The following PTCHD1 variants were observed in gnomAD, a reference collection of about 807,000 sequenced individuals.
The protein encoded by PTCHD1 is patched domain-containing protein 1.
PTCHD1 carries 3 observed loss-of-function variants against 34.6 expected under a neutral mutation model. The ratio of observed to expected loss-of-function variants is 0.09; its 90% CI spans 0.04 to 0.22. The LOEUF (loss-of-function observed/expected upper bound fraction) is 0.22, where lower values mean the gene tolerates loss of function less well. PTCHD1 is among the 10% of genes least tolerant of loss of function. The pLI, the probability that PTCHD1 is intolerant of heterozygous loss-of-function variation, is 1.00. For synonymous variants in PTCHD1, 305 were observed against 283.1 expected (o/e 1.08, Z -0.77); for missense variants, 504 against 685.5 (o/e 0.74, Z 2.96).
intron 1 of PTCHD1, among the ~76,000 whole-genome samples, chrX:23,344,138 T>A (rs1367424185): frequency 8.9e-6 from 1 of 112,281 alleles, no homozygotes; most frequent in Non-Finnish European, 1.9e-5. Context: ...CAGAACACAC[T>A]TGGAGTAGCA....
In PTCHD1 at chrX:23,394,163, T is replaced by G; in HGVS notation, c.2645T>G (p.Val882Gly). The G allele has an allele frequency of 8.3e-7, 1 of 1,201,881 alleles. No homozygotes were observed. The highest frequency in any genetic ancestry group is 1.1e-6 in the Non-Finnish European group (1 of 887,203). ...EMVDIDSTRVVDQITTV is the reference protein window; with the variant it reads ...EMVDIDSTRVGDQITTV Reference sequence around the variant, plus strand: ...GTAGATATCGATAGTACCCGTGTGGTTGACCAAATTACAACAGTGTGATAA... The same window carrying G: ...GTAGATATCGATAGTACCCGTGTGGGTGACCAAATTACAACAGTGTGATAA... Residue 882 changes from valine to glycine, a missense_variant, in exon 3 of 3, where the codon GTT (valine) becomes GGT (glycine). Val to Gly is a moderately radical substitution (Grantham distance 109). Transcript: ENST00000379361.
At chrX:23,381,637 G>T (rs1001141046) in intron 2 of PTCHD1, among the ~76,000 whole-genome samples, 1 of 111,819 alleles carries the variant, frequency 8.9e-6, no homozygotes, top group Non-Finnish European at 1.9e-5. Context: ...ATTCTCTGTG[G>T]CCCGAGGAAT....
At position 23,375,312 on chromosome X, in the gene PTCHD1, C is replaced by T. The variant is rs553890557; in HGVS notation, c.352-4279C>T. Among the ~76,000 whole-genome samples the T allele has an allele frequency of 8.2e-5, 7 of 84,933 alleles. No individual in the cohort carries two copies. The South Asian group carries it at 3.6e-3, about 44-fold the overall frequency. 73.8% of individuals were successfully genotyped at this position (84,933 alleles called of 115,157 possible). ...CTTTTTTTTTTTTTTTTTTTTGAGA[C>T]GGAGTCTCGTTCTGTCGCCCAGGCG... On this transcript the variant is annotated intron_variant, in intron 1 of 2. Coordinates refer to ENST00000379361, the MANE Select transcript of PTCHD1 (RefSeq NM_173495.3).
chrX:23,334,814 C>A, upstream of PTCHD1: 2 of 784,898 alleles, frequency 2.5e-6, no homozygotes, highest in Non-Finnish European at 3.2e-6. Flanking sequence ...CCGCCGCCGC[C>A]GCCGCCCGAA....
intron 1 of PTCHD1, among the ~76,000 whole-genome samples, chrX:23,361,374 T>G (rs1921978644): frequency 8.9e-6 from 1 of 112,272 alleles, no homozygotes; most frequent in South Asian, 3.7e-4. Context: ...TAGTTCTTCT[T>G]GTTGAATTGA....
chrX:23,366,282 A>C (rs1057247328), intron 1 of PTCHD1, among the ~76,000 whole-genome samples: 1 of 111,796 alleles, frequency 8.9e-6, no homozygotes, highest in South Asian at 3.7e-4. Flanking sequence ...GGCAGACTGA[A>C]CTTCCCAAGA....
chrX:23,381,173 G>A (rs1307833709), intron 2 of PTCHD1, among the ~76,000 whole-genome samples: 1 of 112,219 alleles, frequency 8.9e-6, no homozygotes, highest in Non-Finnish European at 1.9e-5. Context: ...ATTTTAAAGC[G>A]ATGCTGATGG....
intron 1 of PTCHD1, among the ~76,000 whole-genome samples, chrX:23,348,895 A>C (rs973041610): frequency 1.8e-5 from 2 of 111,983 alleles, no homozygotes; most frequent in African/African-American, 6.5e-5. Flanking sequence ...AAATATTTTT[A>C]TTTTTCTTAC....
At chrX:23,389,578 C>T (rs1601917011) in intron 2 of PTCHD1, among the ~76,000 whole-genome samples, 1 of 111,943 alleles carries the variant, frequency 8.9e-6, no homozygotes, top group East Asian at 2.8e-4. Flanking sequence ...AGGAATCTGA[C>T]CTATCAGGAA....
Position 23,394,335 on chromosome X carries a change from G to C in PTCHD1, c.*150G>C. 1 of 448,589 alleles carries C rather than the reference G, an allele frequency of 2.2e-6. No individual in the cohort carries two copies. Among genetic ancestry groups the C allele is most frequent in the Admixed American group, 4.3e-5 (1 of 23,312 alleles). The allele number at this position is 448,589 out of a possible 1,213,427, so 37.0% of individuals were successfully genotyped here. ...AAAAAAAAAAAAAAAGGAAAGGACA[G>C]TGGGGAGAAATGGGCCTGGCATATT... On this transcript the variant is annotated 3_prime_UTR_variant, in exon 3 of 3. Transcript: ENST00000379361.
chrX:23,369,321 C>T (rs931356732), intron 1 of PTCHD1, among the ~76,000 whole-genome samples: 2 of 111,703 alleles, frequency 1.8e-5, no homozygotes, highest in Non-Finnish European at 3.8e-5. Flanking sequence ...GACTTTGCTA[C>T]CTCATCACCA....
At chrX:23,364,289 A>G (rs1238864833) in intron 1 of PTCHD1, among the ~76,000 whole-genome samples, 3 of 109,978 alleles carry the variant, frequency 2.7e-5, no homozygotes, top group African/African-American at 1.0e-4. Flanking sequence ...ATGTGTATCT[A>G]TATATAAAAA....
rs775380774 is a variant in PTCHD1, at chrX:23,359,520, G to T, written c.352-20071G>T. 2.6e-4 allele frequency among the ~76,000 whole-genome samples: 29 copies of T among 112,450 alleles called. No individual in the cohort carries two copies. In the East Asian group the frequency reaches 7.3e-3, roughly 28 times the overall value. ...TTTTGTATCCTGAGACTTTGCTGAA[G>T]TTGCTTATCAGCTTAAGGAGATTTT... On this transcript the variant is annotated intron_variant, in intron 1 of 2. Transcript: ENST00000379361.
At chrX:23,337,517 CTTTT>C (rs35578499) in intron 1 of PTCHD1, among the ~76,000 whole-genome samples, 1 of 102,498 alleles carries the variant, frequency 9.8e-6, no homozygotes, top group Non-Finnish European at 2.0e-5. Context: ...GGAGTGAGCA[CTTTT>C]TTTTTTTTAA....
chrX:23,377,335 C>G (rs1265705297), intron 1 of PTCHD1, among the ~76,000 whole-genome samples: 1 of 112,346 alleles, frequency 8.9e-6, no homozygotes, highest in Non-Finnish European at 1.9e-5. Context: ...TATCAAAACT[C>G]TCTCTTGTCT....
chrX:23,380,411 CA>C (rs1407927043), intron 2 of PTCHD1, 160 bp downstream of exon 2: 1 of 531,353 alleles, frequency 1.9e-6, no homozygotes, highest in Non-Finnish European at 3.3e-6. Context: ...TGGTAATCAG[CA>C]AAAAACAACC....
At position 23,379,734 on chromosome X, in the gene PTCHD1, C is replaced by T; in HGVS notation, c.495C>T (p.Ala165=). ...HVLEELKNAR[A]TNRTNFAITY... ...TGGAAGAGCTAAAGAATGCTCGGGC[C>T]ACCAATCGGACCAATTTTGCTATCA... The change falls in exon 2 of 3, where the codon GCC becomes GCT. Residue 165 remains alanine (A), a synonymous_variant. Transcript: ENST00000379361. 8.3e-7 allele frequency: 1 copy of T among 1,211,231 alleles called. No individual in the cohort carries two copies. The highest frequency in any genetic ancestry group is 1.1e-6 in the Non-Finnish European group (1 of 895,436).
intron 1 of PTCHD1, among the ~76,000 whole-genome samples, chrX:23,338,738 G>A (rs750482849): frequency 2.7e-5 from 3 of 112,030 alleles, no homozygotes; most frequent in East Asian, 5.6e-4. Context: ...GCTTTTCATT[G>A]TAATTTACTT....
intron 2 of PTCHD1, among the ~76,000 whole-genome samples, chrX:23,386,277 T>C (rs775665498): frequency 1.3e-3 from 142 of 111,953 alleles, no homozygotes; most frequent in African/African-American, 4.5e-3. Flanking sequence ...TCTAGGGCTC[T>C]CTTTTACAGC....
Sources: gnomAD v4.1 joint callset for allele counts (sites outside exome capture counted in the v4.1 genomes callset) on GRCh38, gnomAD v4.1.1 for gene constraint, MANE v1.5 for transcripts, NCBI Gene and HGNC (gene_info 2026-07-23, HGNC 2026-07-21) for gene names.